The following SLC26A4 variants were observed in gnomAD, a reference collection of about 807,000 sequenced individuals.
SLC26A4 encodes pendrin.
Under a neutral mutation model 90.4 loss-of-function variants are expected in SLC26A4, and 93 were observed. The ratio of observed to expected loss-of-function variants is 1.03; its 90% confidence interval spans 0.87 to 1.22. The LOEUF is 1.22. Ranked by LOEUF, SLC26A4 falls within the 50% of genes most tolerant of loss-of-function variation. The pLI is 0.00. For missense variants in SLC26A4, 1,127 were observed against 946.2 expected (o/e 1.19, Z -2.51); for synonymous variants, 393 against 354.6 (o/e 1.11, Z -1.22).
chr7:107,671,812 A>C (rs1350005774), intron 3 of SLC26A4, among the ~76,000 whole-genome samples: 1 of 152,206 alleles, frequency 6.6e-6, no homozygotes, highest in Admixed American at 6.5e-5. Flanking sequence ...CACTTAATAC[A>C]CCTAACCTAT....
rs113760052 is a variant in SLC26A4 at position 107,662,924 on chromosome 7, A to G, written c.165-372A>G. ...CTCAGTGTGTTTATCTTCTTTAAAG[A>G]AAATAATAATAATAAGGCGCCTGGA... On this transcript the variant is annotated intron_variant, in intron 2 of 20. Transcript: ENST00000644269. 9.4e-3 allele frequency among the ~76,000 whole-genome samples: 1,438 copies of G among 152,330 alleles called. 25 individuals carry two copies. Among genetic ancestry groups the G allele is most frequent in the African/African-American group, 0.033 (1,352 of 41,562 alleles).
At chr7:107,701,218 C>T in intron 16 of SLC26A4, 22 bp downstream of exon 16, 1 of 1,440,848 alleles carries the variant, frequency 6.9e-7, no homozygotes, top group South Asian at 1.1e-5. Context: ...TCTTTCTTTT[C>T]CCCCTTAAAT....
chr7:107,669,637 C>A (rs899422208), intron 3 of SLC26A4, among the ~76,000 whole-genome samples: 2 of 152,144 alleles, frequency 1.3e-5, no homozygotes, highest in African/African-American at 4.8e-5. Context: ...TTCTAGAATA[C>A]AAACTCCACT....
rs747834704 is a variant in SLC26A4, at chr7:107,683,494, GA to G, written c.965del (p.Asn322IlefsTer22). On this transcript the variant is annotated frameshift_variant, in exon 8 of 21. Coordinates refer to ENST00000644269, the MANE Select transcript of SLC26A4 (RefSeq NM_000441.2). LOFTEE classifies it high-confidence loss of function. Reference protein sequence around the residue: ...ATAISYGANLEKNYNAGIVKS... With the variant: ...ATAISYGANLXKNYNAGIVKS... Reference sequence around the variant, plus strand: ...TGCCATTTCATATGGAGCCAACCTGGAAAAAAATTACAATGCTGGCATTGTT... The same window carrying G: ...TGCCATTTCATATGGAGCCAACCTGGAAAAAATTACAATGCTGGCATTGTT... 1 of 1,613,842 alleles carries G rather than the reference GA, an allele frequency of 6.2e-7. No homozygotes were observed. The highest frequency in any genetic ancestry group is 2.2e-5 in the East Asian group (1 of 44,854).
At chr7:107,691,546 A>T (rs35594479) in intron 10 of SLC26A4, among the ~76,000 whole-genome samples, 2 of 31,948 alleles carry the variant, frequency 6.3e-5, no homozygotes, top group Admixed American at 3.7e-4. Flanking sequence ...CACACACACA[A>T]ACATATATAT....
In SLC26A4 at chr7:107,683,438, CTT is replaced by C. The variant is rs778564674; in HGVS notation, c.919-14_919-13del. ...TTAAAACCAATGGAGTTTTTAACAT[CTT>C]TTGTTTTATTTCAGACGATAATTGC... On this transcript the variant is annotated splice_polypyrimidine_tract_variant and intron_variant, in intron 7 of 20. Coordinates refer to ENST00000644269, the MANE Select transcript of SLC26A4 (RefSeq NM_000441.2). 45 of 1,612,878 alleles carry C rather than the reference CTT, an allele frequency of 2.8e-5. No individual in the cohort carries two copies. In the South Asian group the frequency reaches 4.7e-4, roughly 17 times the overall value.
Position 107,672,248 on chromosome 7 carries a change from G to A in SLC26A4, c.415G>A (p.Gly139Arg), listed in dbSNP as rs1790890928. Residue 139 changes from glycine (G) to arginine (R), a missense_variant and splice_region_variant, in exon 4 of 21, where the codon GGA becomes AGA. Transcript: ENST00000644269. ...TGGAACATCAAGACATATCTCAGTT[G>A]GTAATTATAAGTATATTTTACAATT... ...IFGTSRHISV[G>R]PFPVVSLMVG... is the part of the protein sequence containing the mutation. The A allele has an allele frequency of 1.3e-6, 2 of 1,552,614 alleles. No homozygotes were observed. The highest frequency in any genetic ancestry group is 1.4e-5 in the African/African-American group (1 of 73,590).
At chr7:107,698,850 G>A (rs1459498909) in intron 14 of SLC26A4, among the ~76,000 whole-genome samples, 1 of 152,024 alleles carries the variant, frequency 6.6e-6, no homozygotes, top group East Asian at 1.9e-4. Flanking sequence ...CACAGGAAAT[G>A]AAAAACAAAG....
chr7:107,675,031 C>G lies in SLC26A4; in HGVS notation c.687C>G (p.Phe229Leu). The G allele has an allele frequency of 6.2e-7, 1 of 1,614,044 alleles. No individual in the cohort carries two copies. ...LVGGFTTAAA[F>L]QVLVSQLKIV... ...GTGGCTTCACAACAGCTGCTGCCTT[C>G]CAAGTGCTGGTCTCACAGCTAAAGA... Residue 229 changes from phenylalanine (F) to leucine (L), a missense_variant, in exon 6 of 21, where the codon TTC (phenylalanine) becomes TTG (leucine). Phe to Leu is a conservative substitution (Grantham distance 22). Transcript: ENST00000644269.
chr7:107,690,067 C>T (rs974652132), intron 9 of SLC26A4, 57 bp from the exon 10 acceptor site: 9 of 980,658 alleles, frequency 9.2e-6, no homozygotes, highest in African/African-American at 6.4e-5. Flanking sequence ...AAATACTCAG[C>T]GAAGGTCTTG....
chr7:107,679,625 T>C (rs146436583), intron 6 of SLC26A4, among the ~76,000 whole-genome samples: 16 of 151,638 alleles, frequency 1.1e-4, no homozygotes, highest in African/African-American at 2.9e-4. Flanking sequence ...TAATAAAATA[T>C]TATCTATTAC....
At chr7:107,683,654 T>A in intron 8 of SLC26A4, 117 bp downstream of exon 8, 1 of 799,094 alleles carries the variant, frequency 1.3e-6, no homozygotes, top group Non-Finnish European at 2.0e-6. Context: ...AATAGTCCTA[T>A]TTGTGTGTGA....
Position 107,694,418 on chromosome 7 carries a change from T to A in SLC26A4, c.1279T>A (p.Ser427Thr), listed in dbSNP as rs758015694. Reference sequence around the variant, plus strand: ...TGTCTTCCAGGTTGCTGGCATCATCTCTGCTGCGATTGTGATGATCGCCAT... The same window carrying A: ...TGTCTTCCAGGTTGCTGGCATCATCACTGCTGCGATTGTGATGATCGCCAT... Reference protein sequence around the residue: ...GGKTQVAGIISAAIVMIAILA... With the variant: ...GGKTQVAGIITAAIVMIAILA... The change falls in exon 11 of 21, where the codon TCT (serine) becomes ACT (threonine). Residue 427 changes from serine to threonine, a missense_variant. Coordinates refer to ENST00000644269, the MANE Select transcript of SLC26A4 (RefSeq NM_000441.2). 1 of 1,613,526 alleles carries A rather than the reference T, an allele frequency of 6.2e-7. No homozygotes were observed. Among genetic ancestry groups the A allele is most frequent in the Non-Finnish European group, 8.5e-7 (1 of 1,179,526 alleles).
chr7:107,688,677 A>G (rs146020465), intron 8 of SLC26A4, among the ~76,000 whole-genome samples: 39 of 152,228 alleles, frequency 2.6e-4, no homozygotes, highest in Non-Finnish European at 4.1e-4. Flanking sequence ...TATGGCTAGA[A>G]TCTCTTTTAA....
chr7:107,712,677 G>A, intron 20 of SLC26A4, 55 bp downstream of exon 20: 2 of 935,068 alleles, frequency 2.1e-6, no homozygotes, highest in East Asian at 2.4e-5. Context: ...AATAATTAGA[G>A]TAATACAAAT....
rs1179435290 is a variant in SLC26A4 at position 107,712,529 on chromosome 7, C to A, written c.2236-10C>A. On this transcript the variant is annotated splice_polypyrimidine_tract_variant and intron_variant, in intron 19 of 20. Coordinates refer to ENST00000644269, the MANE Select transcript of SLC26A4 (RefSeq NM_000441.2). ...CTATTCTATTTCTACCCTGTGTTCT[C>A]TTTTTCAAGATCACTCTCATTCAGG... The A allele has an allele frequency of 1.4e-6, 2 of 1,455,758 alleles. No homozygotes were observed. The highest frequency in any genetic ancestry group is 4.5e-5 in the East Asian group (2 of 44,114). 90.2% of individuals were successfully genotyped at this position (1,455,758 alleles called of 1,614,324 possible).
chr7:107,700,093 C>T lies in SLC26A4; in HGVS notation c.1625C>T (p.Pro542Leu), dbSNP rs777023979. ...TTCTTTTAATGCCAGATTGAAGAAC[C>T]TCAAGGAGTGAAGATTCTTAGATTT... ...STKNYKNIEE[P>L]QGVKILRFSS... Residue 542 changes from proline (P) to leucine (L), a missense_variant, in exon 15 of 21, where the codon CCT becomes CTT. Physicochemically the swap from Pro to Leu is moderately conservative, Grantham distance 98 (BLOSUM62 -3). Transcript: ENST00000644269. 2 of 1,556,234 alleles carry T rather than the reference C, an allele frequency of 1.3e-6. No homozygotes were observed. Among genetic ancestry groups the T allele is most frequent in the Admixed American group, 1.7e-5 (1 of 59,934 alleles).
rs727505080 is a variant in SLC26A4 at position 107,683,277 on chromosome 7, G to A, written c.841G>A (p.Val281Ile). The A allele has an allele frequency of 7.9e-5, 128 of 1,613,174 alleles. No individual in the cohort carries two copies. In the Admixed American group the frequency reaches 8.3e-4, roughly 11 times the overall value. Residue 281 changes from valine to isoleucine, a missense_variant, in exon 7 of 21, where the codon GTC becomes ATC. By Grantham distance (29) the Val-to-Ile change is conservative. Transcript: ENST00000644269. The stretch of plus-strand genomic sequence containing the variant: ...CACTGCTGGATTGCTCACCATTGTC[G>A]TCTGTATGGCAGTTAAGGAATTAAA... ...DFTAGLLTIV[V>I]CMAVKELNDR...
chr7:107,692,628 T>C (rs769295323), intron 10 of SLC26A4, among the ~76,000 whole-genome samples: 26 of 152,194 alleles, frequency 1.7e-4, no homozygotes, highest in Non-Finnish European at 2.9e-4. Flanking sequence ...CGAACTGTTT[T>C]TAGCACATCT....
Sources: gnomAD v4.1 joint callset for allele counts (sites outside exome capture counted in the v4.1 genomes callset) on GRCh38, gnomAD v4.1.1 for gene constraint, MANE v1.5 for transcripts, NCBI Gene and HGNC (gene_info 2026-07-23, HGNC 2026-07-21) for gene names.